ANKS1B: variants seen among roughly 807,000 people sequenced by gnomAD.
ANKS1B encodes ankyrin repeat and sterile alpha motif domain containing 1B.
In ANKS1B, 36 loss-of-function variants were observed where a neutral mutation model predicts 148.3. The ratio of observed to expected loss-of-function variants is 0.24; its 90% CI spans 0.19 to 0.32. The LOEUF is 0.32. ANKS1B is among the 10% of genes least tolerant of loss of function. ANKS1B has a pLI of 1.00. For synonymous variants in ANKS1B, 542 were observed against 560.8 expected, an observed-to-expected ratio of 0.97 and a Z score of 0.47; for missense variants, 1,157 against 1,542.6, an observed-to-expected ratio of 0.75 and a Z score of 4.19.
chr12:98,767,264 G>A (rs922351966), intron 25 of ANKS1B, among the ~76,000 whole-genome samples: 1 of 152,194 alleles, frequency 6.6e-6, no homozygotes, highest in Non-Finnish European at 1.5e-5. Context: ...GGCTGGCTTT[G>A]TGCATATGGA....
At chr12:98,975,049 T>C in intron 17 of ANKS1B, among the ~76,000 whole-genome samples, 1 of 114,288 alleles carries the variant, frequency 8.7e-6, no homozygotes, top group Admixed American at 1.0e-4. Context: ...CCTTCCTTCC[T>C]TTCCTTCCCT....
Position 98,872,872 on chromosome 12 carries a change from C to T in ANKS1B, c.2779-40736G>A, listed in dbSNP as rs182048543. On this transcript the variant is annotated intron_variant, in intron 17 of 26. Transcript: ENST00000683438. The stretch of plus-strand genomic sequence containing the variant: ...TGGAAGCCCTAGCAAAACTAATGCA[C>T]TTAACAAACTTAACACCTACTTTCT... Among the ~76,000 whole-genome samples the T allele has an allele frequency of 9.8e-5, 15 of 152,294 alleles. No individual in the cohort carries two copies. The East Asian group carries it at 2.9e-3, about 29-fold the overall frequency.
At chr12:99,236,513 A>G (rs1342168614) in intron 14 of ANKS1B, among the ~76,000 whole-genome samples, 5 of 152,172 alleles carry the variant, frequency 3.3e-5, no homozygotes, top group Non-Finnish European at 7.3e-5. Flanking sequence ...GAACTCACCC[A>G]CTATCATGAA....
At chr12:99,709,386 C>T (rs10219475) in intron 8 of ANKS1B, among the ~76,000 whole-genome samples, 100,897 of 151,940 alleles carry the variant, frequency 0.66, 33,596 homozygotes, top group Non-Finnish European at 0.69. Flanking sequence ...AGGGTGTAAC[C>T]ATGTTTGAAG....
intron 8 of ANKS1B, among the ~76,000 whole-genome samples, chr12:99,727,651 T>A (rs1057341922): frequency 6.6e-6 from 1 of 152,186 alleles, no homozygotes; most frequent in African/African-American, 2.4e-5. Context: ...TTAAATTTCA[T>A]ATGGAACCAA....
intron 12 of ANKS1B, among the ~76,000 whole-genome samples, chr12:99,368,958 A>G (rs372030258): frequency 7.2e-5 from 11 of 152,304 alleles, no homozygotes; most frequent in South Asian, 4.1e-4. Context: ...TGCAATCCCA[A>G]TGAAACCACT....
At chr12:99,052,734 CAAAAAAAA>C (rs56965572) in intron 17 of ANKS1B, among the ~76,000 whole-genome samples, 2 of 26,016 alleles carry the variant, frequency 7.7e-5, no homozygotes, top group African/African-American at 1.9e-4. Flanking sequence ...GACTCCGTCT[CAAAAAAAA>C]AAAAAAAAAA....
chr12:98,848,783 G>A (rs1359643065), intron 17 of ANKS1B, among the ~76,000 whole-genome samples: 4 of 112,388 alleles, frequency 3.6e-5, no homozygotes, highest in Non-Finnish European at 5.0e-5. Context: ...CTGTTGCCCA[G>A]GCTGGAGTGC....
At chr12:99,715,456 T>C (rs2153542719) in intron 8 of ANKS1B, among the ~76,000 whole-genome samples, 1 of 152,238 alleles carries the variant, frequency 6.6e-6, no homozygotes, top group Admixed American at 6.5e-5. Flanking sequence ...CCTACCCAAA[T>C]CTTATAAAAC....
In ANKS1B at chr12:99,244,426, A is replaced by G; in HGVS notation, c.2347-12T>C. 3 of 1,565,654 alleles carry G rather than the reference A, an allele frequency of 1.9e-6. No homozygotes were observed. Among genetic ancestry groups the G allele is most frequent in the Non-Finnish European group, 2.6e-6 (3 of 1,148,162 alleles). On this transcript the variant is annotated splice_polypyrimidine_tract_variant and intron_variant, in intron 13 of 26. Coordinates refer to ENST00000683438, the MANE Select transcript of ANKS1B (RefSeq NM_001352186.2). The stretch of plus-strand genomic sequence containing the variant: ...ATTATTTTGTCAATCTGTAAGAAAC[A>G]AAAACCATTTAAATGGATTGTTACA...
Position 99,053,342 on chromosome 12 carries a change from T to C in ANKS1B, c.2626-33A>G, listed in dbSNP as rs748682196. 6 of 1,492,470 alleles carry C rather than the reference T, an allele frequency of 4.0e-6. No individual in the cohort carries two copies. The South Asian group carries it at 8.3e-5, about 21-fold the overall frequency. 92.5% of individuals were successfully genotyped at this position (1,492,470 alleles called of 1,614,324 possible). A position where few individuals can be genotyped will look rare whatever the true frequency, so the allele number is the denominator to read the frequency against. On this transcript the variant is annotated intron_variant, in intron 16 of 26. Transcript: ENST00000683438. The stretch of plus-strand genomic sequence containing the variant: ...AAAGAAAATTACATTAGGATTAAAC[T>C]GTATACTTTGTGTCCCAACAACAGA...
At chr12:99,469,883 A>C (rs899534569) in intron 10 of ANKS1B, among the ~76,000 whole-genome samples, 9 of 151,960 alleles carry the variant, frequency 5.9e-5, no homozygotes, top group African/African-American at 2.2e-4. Context: ...ATTTTGGGAG[A>C]CTGAGGTAGG....
At chr12:99,568,260 C>T (rs1266589797) in intron 9 of ANKS1B, among the ~76,000 whole-genome samples, 1 of 152,120 alleles carries the variant, frequency 6.6e-6, no homozygotes, top group Non-Finnish European at 1.5e-5. Context: ...ATGGCCTCTT[C>T]CTCTACCTTC....
intron 17 of ANKS1B, among the ~76,000 whole-genome samples, chr12:99,043,306 G>A (rs1236590460): frequency 6.6e-6 from 1 of 152,088 alleles, no homozygotes; most frequent in Non-Finnish European, 1.5e-5. Flanking sequence ...TTGTTAAATA[G>A]TTTTAGTTAT....
At chr12:99,809,831 A>T (rs1032064171) in intron 3 of ANKS1B, among the ~76,000 whole-genome samples, 3 of 152,122 alleles carry the variant, frequency 2.0e-5, no homozygotes, top group Admixed American at 6.6e-5. Context: ...ATTTTAACAT[A>T]ACATAAATGT....
chr12:98,748,399 G>A (rs566105401), intron 26 of ANKS1B, among the ~76,000 whole-genome samples: 58 of 152,182 alleles, frequency 3.8e-4, no homozygotes, highest in African/African-American at 1.3e-3. Flanking sequence ...GGGCGGGGCC[G>A]GGCTGTCCGC....
At chr12:99,933,204 G>A (rs928817722) in intron 1 of ANKS1B, among the ~76,000 whole-genome samples, 6 of 151,958 alleles carry the variant, frequency 3.9e-5, no homozygotes, top group South Asian at 2.1e-4. Context: ...TGATTCCTCC[G>A]GTTTTGTTCA....
At chr12:98,782,804 A>C (rs1435076008) in intron 22 of ANKS1B, among the ~76,000 whole-genome samples, 1 of 152,212 alleles carries the variant, frequency 6.6e-6, no homozygotes, top group Admixed American at 6.5e-5. Flanking sequence ...AATTCCCTGG[A>C]TGCATCAGTG....
intron 17 of ANKS1B, among the ~76,000 whole-genome samples, chr12:98,990,897 A>G (rs1004147349): frequency 1.4e-5 from 2 of 138,696 alleles, no homozygotes; most frequent in Admixed American, 7.0e-5. Context: ...GCATGACCCA[A>G]TTGAGATTAT....
Sources: allele counts gnomAD v4.1 joint callset (sites outside exome capture counted in the v4.1 genomes callset), GRCh38; gene constraint gnomAD v4.1.1; transcripts MANE v1.5; gene names NCBI Gene and HGNC (gene_info 2026-07-23, HGNC 2026-07-21).